GNAO1: variants seen among roughly 807,000 people sequenced by gnomAD.
GNAO1 encodes G protein subunit alpha o1, also known as guanine nucleotide-binding protein G(o) subunit alpha.
For synonymous variants in GNAO1, 164 were observed against 180.7 expected (o/e 0.91, Z 0.74); for missense variants, 166 against 478.7 (o/e 0.35, Z 6.10).
At chr16:56,208,287 C>T (rs1596796845) in intron 2 of GNAO1, among the ~76,000 whole-genome samples, 4 of 152,112 alleles carry the variant, frequency 2.6e-5, no homozygotes, top group Admixed American at 6.5e-5. Context: ...TATTATTCTT[C>T]ACCTCATTGC....
At chr16:56,335,021 C>T (rs1040506597) in intron 5 of GNAO1, among the ~76,000 whole-genome samples, 164 bp downstream of exon 5, 2 of 152,240 alleles carry the variant, frequency 1.3e-5, no homozygotes, top group South Asian at 4.1e-4. Flanking sequence ...GTGTTTCTGC[C>T]AAGGTTAGGG....
intron 2 of GNAO1, among the ~76,000 whole-genome samples, chr16:56,228,048 G>A (rs2036549062): frequency 6.6e-6 from 1 of 152,152 alleles, no homozygotes; most frequent in African/African-American, 2.4e-5. Flanking sequence ...GTTACCTGAA[G>A]AGGCATAGCA....
intron 2 of GNAO1, among the ~76,000 whole-genome samples, chr16:56,239,606 C>G (rs537045278): frequency 2.0e-5 from 3 of 152,178 alleles, no homozygotes; most frequent in African/African-American, 7.2e-5. Flanking sequence ...TCACATTCTT[C>G]AGGTTCTAAT....
intron 2 of GNAO1, among the ~76,000 whole-genome samples, chr16:56,242,213 T>C (rs75085568): frequency 2.7e-5 from 3 of 110,226 alleles, no homozygotes; most frequent in Non-Finnish European, 5.7e-5. Context: ...AGAAGGAAGA[T>C]GAAAAAAATG....
chr16:56,229,616 G>A (rs1314653096), intron 2 of GNAO1, among the ~76,000 whole-genome samples: 2 of 151,708 alleles, frequency 1.3e-5, no homozygotes. Flanking sequence ...TGGGTGGATG[G>A]ATGGATGGAT....
At chr16:56,345,152 G>C (rs531198280) in intron 6 of GNAO1, 1 of 985,652 alleles carries the variant, frequency 1.0e-6, no homozygotes, top group Non-Finnish European at 1.2e-6. Flanking sequence ...AGCTTCTCCC[G>C]GTGACGGTGA....
At chr16:56,312,646 G>A (rs1277013696) in intron 3 of GNAO1, among the ~76,000 whole-genome samples, 1 of 152,252 alleles carries the variant, frequency 6.6e-6, no homozygotes, top group Non-Finnish European at 1.5e-5. Flanking sequence ...TGAGGTGGTG[G>A]CTGTGGCCGA....
intron 2 of GNAO1, among the ~76,000 whole-genome samples, chr16:56,274,475 G>A (rs964412325): frequency 2.6e-4 from 39 of 152,150 alleles, no homozygotes; most frequent in Non-Finnish European, 2.5e-4. Flanking sequence ...GTGAAGACCC[G>A]CAAACCAGCA....
In GNAO1 at chr16:56,194,587, G is replaced by C. The variant is rs1465512832; in HGVS notation, c.161+1971G>C. ...GGCGCGGGGCTCGGAGGGAGTCGGC[G>C]GTGTTCGGAGCCGAGTCGGTGCTCC... On this transcript the variant is annotated intron_variant, in intron 2 of 8. Coordinates refer to ENST00000262493, the MANE Select transcript of GNAO1 (RefSeq NM_020988.3). The C allele has an allele frequency of 1.3e-5, 3 of 234,202 alleles. No homozygotes were observed. The Admixed American group carries it at 1.5e-4, about 11-fold the overall frequency. 14.5% of individuals were successfully genotyped at this position (234,202 alleles called of 1,614,324 possible). A position where few individuals can be genotyped will look rare whatever the true frequency, so the allele number is the denominator to read the frequency against.
intron 2 of GNAO1, among the ~76,000 whole-genome samples, chr16:56,257,269 T>C (rs1385860574): frequency 6.6e-6 from 1 of 152,206 alleles, no homozygotes; most frequent in Admixed American, 6.5e-5. Flanking sequence ...CAATCCATGG[T>C]CTTAGCCCTG....
chr16:56,256,271 C>T (rs1432997388), intron 2 of GNAO1, among the ~76,000 whole-genome samples: 1 of 152,202 alleles, frequency 6.6e-6, no homozygotes, highest in Non-Finnish European at 1.5e-5. Context: ...GGCTACAGGG[C>T]AGGGGGTTGC....
At chr16:56,259,421 C>G (rs1371821480) in intron 2 of GNAO1, among the ~76,000 whole-genome samples, 1 of 152,224 alleles carries the variant, frequency 6.6e-6, no homozygotes, top group Admixed American at 6.5e-5. Flanking sequence ...CACCATCCTT[C>G]CTGGTTTCCA....
chr16:56,216,404 AG>A (rs1338184685), intron 2 of GNAO1, among the ~76,000 whole-genome samples: 1 of 152,160 alleles, frequency 6.6e-6, no homozygotes, highest in Non-Finnish European at 1.5e-5. Context: ...GATACACCCC[AG>A]GCAGCCTAGT....
At chr16:56,201,145 G>A (rs771161451) in intron 2 of GNAO1, among the ~76,000 whole-genome samples, 2 of 152,082 alleles carry the variant, frequency 1.3e-5, no homozygotes, top group Non-Finnish European at 2.9e-5. Context: ...AGGTAGGAAG[G>A]GCCACAATGT....
chr16:56,213,679 G>A (rs2036411822), intron 2 of GNAO1, among the ~76,000 whole-genome samples: 1 of 152,140 alleles, frequency 6.6e-6, no homozygotes, highest in Non-Finnish European at 1.5e-5. Flanking sequence ...ACTAGAAGAT[G>A]AAATTGGAGA....
intron 2 of GNAO1, among the ~76,000 whole-genome samples, chr16:56,250,650 C>T (rs1336861753): frequency 6.6e-6 from 1 of 152,172 alleles, no homozygotes; most frequent in Admixed American, 6.5e-5. Context: ...GCTTAGCCAC[C>T]TCTCTCACTG....
intron 6 of GNAO1, chr16:56,347,614 A>C: frequency 1.0e-6 from 1 of 971,656 alleles, no homozygotes; most frequent in Non-Finnish European, 1.2e-6. Context: ...GATCCCCTCC[A>C]TGAGAGAGGG....
At chr16:56,209,890 C>T (rs76785888) in intron 2 of GNAO1, among the ~76,000 whole-genome samples, 8 of 152,060 alleles carry the variant, frequency 5.3e-5, no homozygotes, top group South Asian at 2.1e-4. Context: ...CCTATACTGG[C>T]GCATTATAAT....
intron 2 of GNAO1, among the ~76,000 whole-genome samples, chr16:56,249,247 G>A (rs73554427): frequency 6.6e-6 from 1 of 152,300 alleles, no homozygotes; most frequent in African/African-American, 2.4e-5. Context: ...ATGGAATGGG[G>A]GGGAACAAGT....
Sources: gnomAD v4.1 joint callset for allele counts (sites outside exome capture counted in the v4.1 genomes callset) on GRCh38, gnomAD v4.1.1 for gene constraint, MANE v1.5 for transcripts, NCBI Gene and HGNC (gene_info 2026-07-23, HGNC 2026-07-21) for gene names.